Variants in ZFHX3 observed in about 807,000 individuals in gnomAD.
The protein encoded by ZFHX3 is zinc finger homeobox protein 3.
A neutral mutation model predicts 279.1 loss-of-function variants in ZFHX3; 42 were observed. That is an observed-to-expected ratio of 0.15 (90% CI 0.12 to 0.19). The LOEUF (loss-of-function observed/expected upper bound fraction) is 0.19, where lower values mean the gene tolerates loss of function less well. Among genes scored for constraint, ZFHX3 ranks in the 10% least tolerant of loss-of-function variants. The pLI, the probability that ZFHX3 is intolerant of heterozygous loss-of-function variation, is 1.00. For synonymous variants in ZFHX3, 2,293 were observed against 1,957.8 expected, an observed-to-expected ratio of 1.17 and a Z score of -4.52; for missense variants, 4,981 against 4,754.0, an observed-to-expected ratio of 1.05 and a Z score of -1.40.
intron 1 of ZFHX3, among the ~76,000 whole-genome samples, chr16:73,865,877 C>G (rs1057201326): frequency 2.0e-5 from 3 of 151,944 alleles, no homozygotes; most frequent in African/African-American, 7.2e-5. Flanking sequence ...CCCAGCTACA[C>G]TGGAGGCTGA....
intron 1 of ZFHX3, among the ~76,000 whole-genome samples, chr16:73,778,573 GAA>G (rs1383425610): frequency 1.3e-5 from 2 of 152,146 alleles, no homozygotes; most frequent in Non-Finnish European, 2.9e-5. Flanking sequence ...TCAGACTTAG[GAA>G]AAATCCTAAT....
At chr16:73,408,032 G>T (rs1378567362) in intron 3 of ZFHX3, among the ~76,000 whole-genome samples, 5 of 151,096 alleles carry the variant, frequency 3.3e-5, no homozygotes, top group Admixed American at 3.3e-4. Context: ...GAGGAGGGGA[G>T]TGAAAAGGGG....
chr16:73,705,174 T>G (rs2053290954), intron 1 of ZFHX3, among the ~76,000 whole-genome samples: 1 of 152,238 alleles, frequency 6.6e-6, no homozygotes, highest in East Asian at 1.9e-4. Context: ...TATAATTTAA[T>G]TATAAATGTG....
intron 3 of ZFHX3, among the ~76,000 whole-genome samples, chr16:73,424,418 G>C (rs1429659025): frequency 6.6e-6 from 1 of 152,024 alleles, no homozygotes; most frequent in Non-Finnish European, 1.5e-5. Context: ...CTTGAACATG[G>C]CTCACCTTGC....
chr16:73,644,623 T>G (rs974907608), intron 2 of ZFHX3, among the ~76,000 whole-genome samples: 1 of 152,062 alleles, frequency 6.6e-6, no homozygotes, highest in African/African-American at 2.4e-5. Context: ...ATTGTGCCAC[T>G]GCACTCCACC....
At chr16:72,837,430 T>TG (rs2037219975) in intron 4 of ZFHX3, among the ~76,000 whole-genome samples, 1 of 151,064 alleles carries the variant, frequency 6.6e-6, no homozygotes, top group South Asian at 2.1e-4. Flanking sequence ...AGAAAGAAAC[T>TG]GGGGTCATGG....
intron 1 of ZFHX3, among the ~76,000 whole-genome samples, chr16:73,784,191 G>A (rs1959563891): frequency 6.6e-6 from 1 of 152,114 alleles, no homozygotes; most frequent in African/African-American, 2.4e-5. Context: ...TGTGACTTGA[G>A]TAAATTACTT....
chr16:72,863,437 G>C (rs1027872870), intron 4 of ZFHX3, among the ~76,000 whole-genome samples: 2 of 151,512 alleles, frequency 1.3e-5, no homozygotes, highest in African/African-American at 2.4e-5. Flanking sequence ...AGGATGGCTT[G>C]AGCCTGGAAG....
chr16:73,774,550 T>C (rs1331237360), intron 1 of ZFHX3, among the ~76,000 whole-genome samples: 1 of 152,218 alleles, frequency 6.6e-6, no homozygotes, highest in Non-Finnish European at 1.5e-5. Context: ...CTGTATCCAC[T>C]GATGATGCTA....
intron 8 of ZFHX3, among the ~76,000 whole-genome samples, chr16:73,069,358 A>G (rs1211736903): frequency 6.6e-6 from 1 of 152,074 alleles, no homozygotes; most frequent in African/African-American, 2.4e-5. Flanking sequence ...GGGGAAGCAA[A>G]AGAAGAAGCA....
At chr16:72,935,696 T>C (rs555125739) in intron 3 of ZFHX3, among the ~76,000 whole-genome samples, 1 of 150,424 alleles carries the variant, frequency 6.6e-6, no homozygotes, top group East Asian at 2.0e-4. Context: ...ATCACGCCAC[T>C]GCACTCCAGC....
chr16:73,605,156 A>T (rs1429617249), intron 2 of ZFHX3, among the ~76,000 whole-genome samples: 1 of 152,134 alleles, frequency 6.6e-6, no homozygotes, highest in Non-Finnish European at 1.5e-5. Flanking sequence ...CCGGTGGCGG[A>T]CGTGGTCATT....
chr16:73,693,478 G>A (rs1242734849), intron 1 of ZFHX3, among the ~76,000 whole-genome samples: 1 of 152,098 alleles, frequency 6.6e-6, no homozygotes, highest in East Asian at 1.9e-4. Flanking sequence ...ACCGAGAAGT[G>A]TTCCCGGATA....
At chr16:73,868,070 G>A (rs1443909645) in intron 1 of ZFHX3, among the ~76,000 whole-genome samples, 1 of 152,150 alleles carries the variant, frequency 6.6e-6, no homozygotes, top group Non-Finnish European at 1.5e-5. Flanking sequence ...CTTGTCTCTG[G>A]TTGATGCTTT....
intron 4 of ZFHX3, among the ~76,000 whole-genome samples, chr16:72,847,662 G>T (rs761141391): frequency 6.6e-6 from 1 of 152,068 alleles, no homozygotes; most frequent in Non-Finnish European, 1.5e-5. Context: ...CCCCAGAGGA[G>T]TGAATTCCTT....
chr16:73,839,809 C>T (rs555708678), intron 1 of ZFHX3, among the ~76,000 whole-genome samples: 39 of 152,328 alleles, frequency 2.6e-4, no homozygotes, highest in Admixed American at 2.0e-3. Context: ...AACAGGTTCA[C>T]GACTCCACCC....
rs1297087042 is a variant in ZFHX3, at chr16:72,785,127, G to A, written c.*2037C>T. The A allele has an allele frequency of 6.6e-6, 1 of 152,190 alleles. No homozygotes were observed. The highest frequency in any genetic ancestry group is 1.5e-5 in the Non-Finnish European group (1 of 68,024). The allele number at this position is 152,190 out of a possible 1,614,324, so 9.4% of individuals were successfully genotyped here. ...TTGGGGGCAAGGGGAGATGGTTTCT[G>A]TTGATGTTTAGCTATGAAAGTGAAA... is the stretch of plus-strand genomic sequence containing the variant. On this transcript the variant is annotated 3_prime_UTR_variant, in exon 10 of 10. Transcript: ENST00000268489.
intron 5 of ZFHX3, among the ~76,000 whole-genome samples, chr16:73,187,651 C>T (rs778232408): frequency 6.6e-6 from 1 of 152,152 alleles, no homozygotes; most frequent in Non-Finnish European, 1.5e-5. Flanking sequence ...CGGGTCTCAT[C>T]CTCTAGACCA....
intron 1 of ZFHX3, among the ~76,000 whole-genome samples, chr16:73,780,962 A>G (rs1959450052): frequency 6.6e-6 from 1 of 152,230 alleles, no homozygotes; most frequent in Non-Finnish European, 1.5e-5. Context: ...AATATCAGTT[A>G]CTCAATAACA....
Sources: gnomAD v4.1 joint callset for allele counts (sites outside exome capture counted in the v4.1 genomes callset) on GRCh38, gnomAD v4.1.1 for gene constraint, MANE v1.5 for transcripts, NCBI Gene and HGNC (gene_info 2026-07-23, HGNC 2026-07-21) for gene names.